Variants in TBC1D9 observed in about 807,000 individuals in gnomAD.
TBC1D9 encodes the protein TBC1 domain family member 9.
Under a neutral mutation model 132.0 loss-of-function variants are expected in TBC1D9, and 63 were observed. That is an observed-to-expected ratio of 0.48 (90% CI 0.39 to 0.59). The LOEUF (loss-of-function observed/expected upper bound fraction) is 0.59, where lower values mean the gene tolerates loss of function less well. Ranked by LOEUF, TBC1D9 falls within the 20% of genes least tolerant of loss-of-function variation. TBC1D9 has a pLI of 0.00. For synonymous variants in TBC1D9, 610 were observed against 609.9 expected (o/e 1.00, Z 0.00); for missense variants, 1,261 against 1,592.7 (o/e 0.79, Z 3.54).
At position 140,686,441 on chromosome 4, in the gene TBC1D9, G is replaced by T; in HGVS notation, c.263C>A (p.Thr88Asn). The change falls in exon 3 of 21, where the codon ACT becomes AAT. Residue 88 changes from threonine to asparagine, a missense_variant. By Grantham distance (65) the Thr-to-Asn change is moderately conservative. Around this residue, in one of 3 missense-constraint regions of TBC1D9, gnomAD observed 550 missense variants for 699.0 expected, o/e 0.79. Transcript: ENST00000442267. ...TTGCTCAAGCCATTCCCAGTGTTCA[G>T]TGATTTCTTTCCTGGAACCACCTGT... ...IACGGSRKEI[T>N]EHWEWLEQNL... 1.2e-6 allele frequency: 2 copies of T among 1,609,302 alleles called. No individual in the cohort carries two copies. The highest frequency in any genetic ancestry group is 1.7e-6 in the Non-Finnish European group (2 of 1,176,838).
intron 1 of TBC1D9, among the ~76,000 whole-genome samples, chr4:140,707,856 C>A (rs1738172062): frequency 6.6e-6 from 1 of 152,054 alleles, no homozygotes; most frequent in African/African-American, 2.4e-5. Context: ...CGCTCCCAAC[C>A]AATGTTCTCA....
At chr4:140,660,036 C>T (rs1472650838) in intron 10 of TBC1D9, among the ~76,000 whole-genome samples, 1 of 152,230 alleles carries the variant, frequency 6.6e-6, no homozygotes, top group Non-Finnish European at 1.5e-5. Context: ...GGCTATTTCA[C>T]AAAGCTTTTA....
intron 5 of TBC1D9, 128 bp downstream of exon 5, chr4:140,678,814 G>C: frequency 1.7e-6 from 2 of 1,191,826 alleles, no homozygotes; most frequent in Non-Finnish European, 2.4e-6. Flanking sequence ...GTCTTTTTTA[G>C]TTTTGTATCT....
rs758658105 is a variant in TBC1D9, at chr4:140,677,067, G to A, written c.886C>T (p.Arg296Cys). The change falls in exon 6 of 21, where the codon CGT becomes TGT. Residue 296 changes from arginine to cysteine, a missense_variant. By Grantham distance (180) the Arg-to-Cys change is radical (BLOSUM62 -3). Around this residue, in one of 3 missense-constraint regions of TBC1D9, gnomAD observed 550 missense variants for 699.0 expected, o/e 0.79. Coordinates refer to ENST00000442267, the MANE Select transcript of TBC1D9 (RefSeq NM_015130.3). ...TCTTTGGGCAGCCGGAAAAGTGCACGGTATCTCTCACTCTTTGCCCTGGCA... is the reference window on the plus strand; with the variant it reads ...TCTTTGGGCAGCCGGAAAAGTGCACAGTATCTCTCACTCTTTGCCCTGGCA... ...LDARAKSERY[R>C]ALFRLPKDEK... 1.8e-5 allele frequency: 29 copies of A among 1,613,636 alleles called. No individual in the cohort carries two copies. The highest frequency in any genetic ancestry group is 2.3e-5 in the Non-Finnish European group (27 of 1,179,820).
intron 1 of TBC1D9, among the ~76,000 whole-genome samples, chr4:140,715,367 C>A (rs1738318921): frequency 6.6e-6 from 1 of 152,150 alleles, no homozygotes; most frequent in African/African-American, 2.4e-5. Flanking sequence ...TCAGTTTATA[C>A]CCTCCAGTTA....
intron 17 of TBC1D9, among the ~76,000 whole-genome samples, chr4:140,627,736 A>G (rs1219707596): frequency 6.6e-6 from 1 of 152,206 alleles, no homozygotes; most frequent in African/African-American, 2.4e-5. Flanking sequence ...ACAACCCCAC[A>G]CCAAAGTGTT....
chr4:140,731,827 A>G (rs1738596055), intron 1 of TBC1D9, among the ~76,000 whole-genome samples: 1 of 152,192 alleles, frequency 6.6e-6, no homozygotes, highest in Non-Finnish European at 1.5e-5. Flanking sequence ...TTGGTCTCAA[A>G]GCCAAATTTT....
intron 1 of TBC1D9, among the ~76,000 whole-genome samples, chr4:140,707,388 T>C (rs1466601638): frequency 6.6e-6 from 1 of 152,230 alleles, no homozygotes; most frequent in Non-Finnish European, 1.5e-5. Context: ...CTGATCTCCC[T>C]AAAGCCAGAG....
intron 6 of TBC1D9, among the ~76,000 whole-genome samples, chr4:140,672,292 C>G (rs1737550802): frequency 6.7e-6 from 1 of 150,254 alleles, no homozygotes; most frequent in South Asian, 2.1e-4. Flanking sequence ...TTAAAGGAAT[C>G]TTCTGAGACA....
chr4:140,657,625 A>C lies in TBC1D9; in HGVS notation c.2109T>G (p.Ile703Met). 6.2e-7 allele frequency: 1 copy of C among 1,614,012 alleles called. No individual in the cohort carries two copies. Among genetic ancestry groups the C allele is most frequent in the Non-Finnish European group, 8.5e-7 (1 of 1,179,876 alleles). Residue 703 changes from isoleucine (I) to methionine (M), a missense_variant, in exon 12 of 21, where the codon ATT becomes ATG. This residue lies in a region of TBC1D9 where 618 missense variants were observed against 724.4 expected (regional missense o/e 0.85). Coordinates refer to ENST00000442267, the MANE Select transcript of TBC1D9 (RefSeq NM_015130.3). ...VVVDCFFYEG[I>M]KVIFQLALAV... Reference sequence around the variant, plus strand: ...CTAGGGCCAACTGGAATATCACTTTAATTCCTTCATAGAAGAAACAGTCAA... The same window carrying C: ...CTAGGGCCAACTGGAATATCACTTTCATTCCTTCATAGAAGAAACAGTCAA...
At chr4:140,724,059 G>A (rs1470322304) in intron 1 of TBC1D9, among the ~76,000 whole-genome samples, 1 of 152,176 alleles carries the variant, frequency 6.6e-6, no homozygotes, top group East Asian at 1.9e-4. Context: ...AAAGATCAAA[G>A]CCACTTCTCA....
chr4:140,627,457 G>C lies in TBC1D9; in HGVS notation c.2883C>G (p.Thr961=). Residue 961 remains threonine (T), a synonymous_variant, in exon 18 of 21, where the codon ACC becomes ACG. Transcript: ENST00000442267. ...GTCACTTACCATGTGTACATTCTGG[G>C]GTAATATCTTCAAAGAAGTACTGAG... ...EATQYFFEDI[T]PECTHVVGLD... 1 of 1,605,130 alleles carries C rather than the reference G, an allele frequency of 6.2e-7. No homozygotes were observed. The highest frequency in any genetic ancestry group is 8.5e-7 in the Non-Finnish European group (1 of 1,173,312).
intron 6 of TBC1D9, among the ~76,000 whole-genome samples, chr4:140,676,471 G>A (rs1371669261): frequency 6.6e-6 from 1 of 152,150 alleles, no homozygotes; most frequent in East Asian, 1.9e-4. Context: ...TGCCCAACAT[G>A]GTGAAACTCC....
chr4:140,744,446 C>T (rs1350999433), intron 1 of TBC1D9, among the ~76,000 whole-genome samples: 1 of 152,124 alleles, frequency 6.6e-6, no homozygotes, highest in Non-Finnish European at 1.5e-5. Flanking sequence ...CACAACTGAC[C>T]AGCATTAACA....
chr4:140,646,050 T>C (rs147463447), intron 13 of TBC1D9, among the ~76,000 whole-genome samples: 1 of 152,372 alleles, frequency 6.6e-6, no homozygotes, highest in East Asian at 1.9e-4. Context: ...TATCACCACT[T>C]ACTCTATGGC....
At chr4:140,708,232 G>A (rs555191014) in intron 1 of TBC1D9, among the ~76,000 whole-genome samples, 1 of 152,224 alleles carries the variant, frequency 6.6e-6, no homozygotes, top group South Asian at 2.1e-4. Flanking sequence ...AATTAAAATT[G>A]TCTAAGAATC....
At chr4:140,623,327 C>T (rs1442766916) in intron 20 of TBC1D9, among the ~76,000 whole-genome samples, 1 of 152,166 alleles carries the variant, frequency 6.6e-6, no homozygotes, top group Non-Finnish European at 1.5e-5. Context: ...CTTGGCCTCC[C>T]AAAGTGCTGG....
chr4:140,650,805 G>A (rs1737177399), intron 13 of TBC1D9, among the ~76,000 whole-genome samples: 1 of 152,134 alleles, frequency 6.6e-6, no homozygotes, highest in African/African-American at 2.4e-5. Context: ...AAAGTGCTGG[G>A]ATTACAGGAG....
intron 13 of TBC1D9, among the ~76,000 whole-genome samples, chr4:140,647,452 T>C (rs1737120006): frequency 6.6e-6 from 1 of 152,228 alleles, no homozygotes; most frequent in African/African-American, 2.4e-5. Flanking sequence ...ATTCAAATTA[T>C]TGTTCTTTGA....
Sources: gnomAD v4.1 joint callset for allele counts (sites outside exome capture counted in the v4.1 genomes callset) on GRCh38, gnomAD v4.1.1 for gene constraint, gnomAD v4.1.1 regional missense constraint, MANE v1.5 for transcripts, NCBI Gene and HGNC (gene_info 2026-07-23, HGNC 2026-07-21) for gene names.